Variants in MCC observed in about 807,000 individuals in gnomAD.
The protein encoded by MCC is MCC regulator of Wnt signaling pathway.
A neutral mutation model predicts 116.2 loss-of-function variants in MCC; 90 were observed. The ratio of observed to expected loss-of-function variants is 0.77; its 90% CI spans 0.65 to 0.92. The LOEUF is 0.92. Among genes scored for constraint, MCC ranks in the 40% least tolerant of loss-of-function variants. The pLI is 0.00. For synonymous variants in MCC, 578 were observed against 510.5 expected (o/e 1.13, Z -1.78); for missense variants, 1,516 against 1,312.2 (o/e 1.16, Z -2.40).
At chr5:113,488,172 G>T in intron 1 of MCC, 73 bp downstream of exon 1, 3 of 1,428,992 alleles carry the variant, frequency 2.1e-6, no homozygotes, top group Non-Finnish European at 1.9e-6. Context: ...GGGCGAGGGG[G>T]CAGAGCAGGG....
chr5:113,286,812 A>G (rs1478045524), intron 3 of MCC, among the ~76,000 whole-genome samples: 2 of 152,220 alleles, frequency 1.3e-5, no homozygotes, highest in South Asian at 2.1e-4. Flanking sequence ...TCATACATGC[A>G]AAGTGCTTTA....
At chr5:113,393,646 T>C (rs1454666309) in intron 1 of MCC, among the ~76,000 whole-genome samples, 1 of 152,204 alleles carries the variant, frequency 6.6e-6, no homozygotes, top group Non-Finnish European at 1.5e-5. Flanking sequence ...TGCTCACGCT[T>C]TGGCTATGTT....
chr5:113,082,720 G>A (rs968273626), intron 11 of MCC, 140 bp downstream of exon 11: 67 of 1,012,658 alleles, frequency 6.6e-5, no homozygotes, highest in Non-Finnish European at 9.3e-5. Flanking sequence ...CAAGGTGGTA[G>A]GAACTTCCAT....
At position 113,151,291 on chromosome 5, in the gene MCC, C is replaced by T. The variant is rs1341002571; in HGVS notation, c.741+18G>A. On this transcript the variant is annotated intron_variant, in intron 4 of 18. Transcript: ENST00000408903. ...ACAAAAAACAAAAGCAAACTAAAAA[C>T]CTTTCCAGATCCCTTACCTGTGCCT... is the stretch of plus-strand genomic sequence containing the variant. The T allele has an allele frequency of 2.7e-6, 4 of 1,500,132 alleles. No homozygotes were observed. The Admixed American group carries it at 7.6e-5, about 28-fold the overall frequency. The allele number at this position is 1,500,132 out of a possible 1,614,324, so 92.9% of individuals were successfully genotyped here. A position where few individuals can be genotyped will look rare whatever the true frequency, so the allele number is the denominator to read the frequency against.
intron 3 of MCC, among the ~76,000 whole-genome samples, chr5:113,339,452 T>C (rs1021444005): frequency 7.9e-5 from 11 of 138,572 alleles, no homozygotes; most frequent in Non-Finnish European, 1.3e-4. Flanking sequence ...TGCATGTGTG[T>C]TTTACTGTAA....
chr5:113,155,946 A>T (rs1178050173), intron 3 of MCC, among the ~76,000 whole-genome samples: 1 of 152,224 alleles, frequency 6.6e-6, no homozygotes, highest in African/African-American at 2.4e-5. Context: ...AAGCAGAAAT[A>T]CTGTGTGAGA....
chr5:113,439,836 T>C (rs1294075875), intron 1 of MCC, among the ~76,000 whole-genome samples: 1 of 152,186 alleles, frequency 6.6e-6, no homozygotes, highest in East Asian at 1.9e-4. Flanking sequence ...ACTTAGCAAG[T>C]GTTGGCTTTT....
chr5:113,425,019 G>C (rs1183247747), intron 1 of MCC, among the ~76,000 whole-genome samples: 2 of 152,026 alleles, frequency 1.3e-5, no homozygotes, highest in African/African-American at 4.8e-5. Flanking sequence ...ATATAATTAA[G>C]AAATTTCCTA....
intron 1 of MCC, among the ~76,000 whole-genome samples, chr5:113,389,958 C>A (rs969162554): frequency 2.4e-4 from 36 of 152,078 alleles, no homozygotes; most frequent in Non-Finnish European, 7.4e-5. Flanking sequence ...GCCTTAGTGA[C>A]AGAACAGCAG....
In MCC at chr5:113,464,633, C is replaced by T. The variant is rs779561846; in HGVS notation, c.170+23612G>A. Reference sequence around the variant, plus strand: ...TTGTTTTTGTTTATTTATCTCACCTCCTGTCCCATGTAAGTTTCTTAAGGT... The same window carrying T: ...TTGTTTTTGTTTATTTATCTCACCTTCTGTCCCATGTAAGTTTCTTAAGGT... On this transcript the variant is annotated intron_variant, in intron 1 of 18. Transcript: ENST00000408903. 3.3e-5 allele frequency among the ~76,000 whole-genome samples: 5 copies of T among 152,244 alleles called. No individual in the cohort carries two copies. In the South Asian group the frequency reaches 1.0e-3, roughly 32 times the overall value.
At chr5:113,475,782 G>A (rs1772220521) in intron 1 of MCC, among the ~76,000 whole-genome samples, 2 of 152,154 alleles carry the variant, frequency 1.3e-5, no homozygotes, top group South Asian at 4.1e-4. Flanking sequence ...TCACCATAGA[G>A]CTTTGGTAAA....
chr5:113,081,822 T>A (rs1754876566), intron 11 of MCC, among the ~76,000 whole-genome samples: 1 of 152,214 alleles, frequency 6.6e-6, no homozygotes, highest in Non-Finnish European at 1.5e-5. Flanking sequence ...ACAGCTTCAA[T>A]CAGGCAGGAC....
intron 5 of MCC, among the ~76,000 whole-genome samples, chr5:113,142,383 C>T (rs865912883): frequency 2.0e-5 from 3 of 151,878 alleles, no homozygotes; most frequent in South Asian, 2.1e-4. Context: ...CTCTCATCCA[C>T]GGCTTAGTGT....
intron 3 of MCC, among the ~76,000 whole-genome samples, chr5:113,223,860 C>T (rs1054899342): frequency 1.3e-5 from 2 of 152,050 alleles, no homozygotes; most frequent in Non-Finnish European, 2.9e-5. Context: ...GTACATCTAG[C>T]CCAAAACTGG....
chr5:113,477,785 G>T (rs766668759), intron 1 of MCC, among the ~76,000 whole-genome samples: 1 of 152,184 alleles, frequency 6.6e-6, no homozygotes, highest in Non-Finnish European at 1.5e-5. Flanking sequence ...AAAGCTTAAA[G>T]GCAAGCTTCC....
At chr5:113,080,363 T>C (rs1355079573) in intron 11 of MCC, among the ~76,000 whole-genome samples, 1 of 152,224 alleles carries the variant, frequency 6.6e-6, no homozygotes, top group Admixed American at 6.5e-5. Flanking sequence ...TGTATGTTTA[T>C]TATGGCACTA....
At chr5:113,197,612 G>A (rs1581239494) in intron 3 of MCC, among the ~76,000 whole-genome samples, 2 of 152,286 alleles carry the variant, frequency 1.3e-5, no homozygotes, top group East Asian at 3.9e-4. Context: ...CTTGGGTCGT[G>A]GGAGGCCAAA....
chr5:113,085,426 G>C (rs1755146264), intron 8 of MCC, 116 bp from the exon 9 acceptor site: 4 of 1,047,714 alleles, frequency 3.8e-6, no homozygotes, highest in Non-Finnish European at 4.2e-6. Context: ...CCACTGAAAA[G>C]CTAGGTTGGT....
chr5:113,175,278 C>G (rs1761276930), intron 3 of MCC, among the ~76,000 whole-genome samples: 1 of 152,126 alleles, frequency 6.6e-6, no homozygotes. Flanking sequence ...TAATGAACCC[C>G]ATTAGAACAT....
Sources: allele counts gnomAD v4.1 joint callset (sites outside exome capture counted in the v4.1 genomes callset), GRCh38; gene constraint gnomAD v4.1.1; transcripts MANE v1.5; gene names NCBI Gene and HGNC (gene_info 2026-07-23, HGNC 2026-07-21).